Variants in NALF1 observed in about 807,000 individuals in gnomAD.
The protein encoded by NALF1 is family with sequence similarity 155 member A.
In NALF1, 3 loss-of-function variants were observed where a neutral mutation model predicts 48.4. The ratio of observed to expected loss-of-function variants is 0.06; its 90% CI spans 0.03 to 0.16. The LOEUF is 0.16. Among genes scored for constraint, NALF1 ranks in the 10% least tolerant of loss-of-function variants. The pLI is 1.00. For synonymous variants in NALF1, 262 were observed against 245.7 expected, an observed-to-expected ratio of 1.07 and a Z score of -0.62; for missense variants, 526 against 571.5, an observed-to-expected ratio of 0.92 and a Z score of 0.81.
Position 107,170,370 on chromosome 13 carries a change from A to G in NALF1, c.*127T>C. On this transcript the variant is annotated 3_prime_UTR_variant, in exon 3 of 3. Transcript: ENST00000375915. Reference sequence around the variant, plus strand: ...GTTTGGATTCAGGCCCATCTGTTTAAATTTTACCCTAAAGGCCTTGCAATA... The same window carrying G: ...GTTTGGATTCAGGCCCATCTGTTTAGATTTTACCCTAAAGGCCTTGCAATA... 1.1e-6 allele frequency: 1 copy of G among 879,338 alleles called. No homozygotes were observed. The highest frequency in any genetic ancestry group is 1.8e-5 in the South Asian group (1 of 55,074). 54.5% of individuals were successfully genotyped at this position (879,338 alleles called of 1,614,324 possible).
chr13:107,823,475 C>T (rs773342969), intron 1 of NALF1, among the ~76,000 whole-genome samples: 6 of 152,142 alleles, frequency 3.9e-5, no homozygotes, highest in African/African-American at 1.4e-4. Context: ...CTCTTCACCA[C>T]GGCCAAGAAC....
chr13:107,417,526 T>TTGA (rs1884111196), intron 1 of NALF1, among the ~76,000 whole-genome samples: 1 of 139,408 alleles, frequency 7.2e-6, no homozygotes, highest in African/African-American at 2.6e-5. Context: ...TATTTAATTG[T>TTGA]CTCAATATGC....
intron 2 of NALF1, among the ~76,000 whole-genome samples, chr13:107,171,275 C>A (rs567479439): frequency 4.6e-5 from 7 of 152,232 alleles, no homozygotes; most frequent in Admixed American, 6.5e-5. Context: ...TTCTCTCCCC[C>A]TCTCTGGGAG....
intron 1 of NALF1, among the ~76,000 whole-genome samples, chr13:107,526,829 G>A (rs1307253230): frequency 6.6e-6 from 1 of 152,112 alleles, no homozygotes; most frequent in Non-Finnish European, 1.5e-5. Flanking sequence ...TTAAGAAATA[G>A]CATCTGCTGT....
intron 2 of NALF1, among the ~76,000 whole-genome samples, chr13:107,176,087 T>C (rs1436379164): frequency 6.6e-6 from 1 of 152,166 alleles, no homozygotes; most frequent in Non-Finnish European, 1.5e-5. Flanking sequence ...GACCTTTTCC[T>C]CAGCATTGAA....
At chr13:107,433,734 T>C (rs1249969860) in intron 1 of NALF1, among the ~76,000 whole-genome samples, 2 of 152,146 alleles carry the variant, frequency 1.3e-5, no homozygotes, top group African/African-American at 4.8e-5. Context: ...ACAGATTATA[T>C]ACTATCAGAA....
chr13:107,862,631 G>T (rs998780410), intron 1 of NALF1, among the ~76,000 whole-genome samples: 1 of 151,830 alleles, frequency 6.6e-6, no homozygotes, highest in African/African-American at 2.4e-5. Flanking sequence ...AATATTGAGT[G>T]AATATTTTTT....
At chr13:107,350,245 C>T (rs574272687) in intron 1 of NALF1, among the ~76,000 whole-genome samples, 1 of 152,252 alleles carries the variant, frequency 6.6e-6, no homozygotes, top group Non-Finnish European at 1.5e-5. Flanking sequence ...AAGACAAATT[C>T]AGTTACTAAG....
intron 1 of NALF1, among the ~76,000 whole-genome samples, chr13:107,738,470 G>A (rs910584138): frequency 6.6e-6 from 1 of 152,088 alleles, no homozygotes; most frequent in Non-Finnish European, 1.5e-5. Context: ...CTTGTCCCCA[G>A]ACACTTTCTC....
At chr13:107,523,432 T>A (rs1257982752) in intron 1 of NALF1, among the ~76,000 whole-genome samples, 1 of 152,094 alleles carries the variant, frequency 6.6e-6, no homozygotes, top group Non-Finnish European at 1.5e-5. Flanking sequence ...GCAGGTTTGT[T>A]ACATATGTAT....
chr13:107,358,793 C>T lies in NALF1; in HGVS notation c.916-148038G>A, dbSNP rs190846875. 1.7e-3 allele frequency among the ~76,000 whole-genome samples: 253 copies of T among 152,082 alleles called. 2 individuals are homozygous for T. The Middle Eastern group carries it at 0.017, about 10-fold the overall frequency. On this transcript the variant is annotated intron_variant, in intron 1 of 2. Coordinates refer to ENST00000375915, the MANE Select transcript of NALF1 (RefSeq NM_001080396.3). ...ATATGCACGAGTGAAATGTTGATTTCGATGAGTCCCATGTATTTTTTCTAT... is the reference window on the plus strand; with the variant it reads ...ATATGCACGAGTGAAATGTTGATTTTGATGAGTCCCATGTATTTTTTCTAT...
chr13:107,612,782 T>G (rs1879270589), intron 1 of NALF1, among the ~76,000 whole-genome samples: 1 of 152,136 alleles, frequency 6.6e-6, no homozygotes, highest in South Asian at 2.1e-4. Context: ...TCATTGACTT[T>G]CTTGCCTGCT....
At chr13:107,193,896 G>T (rs1879331752) in intron 2 of NALF1, among the ~76,000 whole-genome samples, 1 of 115,802 alleles carries the variant, frequency 8.6e-6, no homozygotes, top group South Asian at 2.7e-4. Context: ...GTTGGAGCTG[G>T]CACTAGAGAG....
At chr13:107,848,670 C>T (rs1485242138) in intron 1 of NALF1, among the ~76,000 whole-genome samples, 1 of 152,156 alleles carries the variant, frequency 6.6e-6, no homozygotes, top group African/African-American at 2.4e-5. Flanking sequence ...CTCCGTGGCA[C>T]TTCATGTTCA....
chr13:107,237,916 G>T (rs994857481), intron 1 of NALF1, among the ~76,000 whole-genome samples: 1 of 152,188 alleles, frequency 6.6e-6, no homozygotes, highest in Admixed American at 6.5e-5. Context: ...TCAGCAGAGA[G>T]ATTGGTGTTT....
chr13:107,405,840 C>T (rs1468890709), intron 1 of NALF1, among the ~76,000 whole-genome samples: 1 of 151,950 alleles, frequency 6.6e-6, no homozygotes, highest in Non-Finnish European at 1.5e-5. Context: ...AAGAATACAC[C>T]AGTAGATTAA....
intron 1 of NALF1, among the ~76,000 whole-genome samples, chr13:107,238,957 T>C (rs1240354908): frequency 6.6e-6 from 1 of 152,026 alleles, no homozygotes; most frequent in Non-Finnish European, 1.5e-5. Flanking sequence ...ATTTTAATGG[T>C]GCAAGATTAT....
At chr13:107,564,700 A>G (rs1256429340) in intron 1 of NALF1, among the ~76,000 whole-genome samples, 1 of 152,192 alleles carries the variant, frequency 6.6e-6, no homozygotes, top group Non-Finnish European at 1.5e-5. Context: ...TGTCCAAGAA[A>G]GGCCCACTGG....
intron 1 of NALF1, among the ~76,000 whole-genome samples, chr13:107,801,498 G>A (rs1452507302): frequency 1.3e-5 from 2 of 152,152 alleles, no homozygotes; most frequent in Admixed American, 6.6e-5. Flanking sequence ...AAATTTCAAC[G>A]AAATTCAGTA....
Sources: gnomAD v4.1 joint callset for allele counts (sites outside exome capture counted in the v4.1 genomes callset) on GRCh38, gnomAD v4.1.1 for gene constraint, MANE v1.5 for transcripts, NCBI Gene and HGNC (gene_info 2026-07-23, HGNC 2026-07-21) for gene names.